Variants in GALNTL6 observed in about 807,000 individuals in gnomAD.
GALNTL6 encodes the protein polypeptide N-acetylgalactosaminyltransferase like 6.
A neutral mutation model predicts 73.7 loss-of-function variants in GALNTL6; 46 were observed. The ratio of observed to expected loss-of-function variants is 0.62; its 90% CI spans 0.49 to 0.80. The LOEUF (loss-of-function observed/expected upper bound fraction) is 0.80. Ranked by LOEUF, GALNTL6 falls within the 30% of genes least tolerant of loss-of-function variation. GALNTL6 has a pLI of 0.00. For missense variants in GALNTL6, 604 were observed against 755.0 expected (o/e 0.80, Z 2.34); for synonymous variants, 259 against 263.7 (o/e 0.98, Z 0.17).
chr4:172,108,967 GGCACCACT>G (rs1732768501), intron 2 of GALNTL6, among the ~76,000 whole-genome samples: 1 of 143,312 alleles, frequency 7.0e-6, no homozygotes, highest in African/African-American at 2.6e-5. Context: ...GAGCCAAGAT[GGCACCACT>G]GCACTCCAGC....
intron 7 of GALNTL6, among the ~76,000 whole-genome samples, chr4:172,826,034 GCATGAATGTAACTTTTTTTTATCTC>G (rs1742248803): frequency 6.6e-6 from 1 of 152,140 alleles, no homozygotes; most frequent in Non-Finnish European, 1.5e-5. Context: ...ACTCAAGTGG[GCATGAATGTAACTTTTTTTTATCTC>G]CATAAATGAG....
intron 2 of GALNTL6, among the ~76,000 whole-genome samples, chr4:171,887,877 C>A (rs551693092): frequency 6.6e-6 from 1 of 152,030 alleles, no homozygotes; most frequent in South Asian, 2.1e-4. Context: ...AAAAAATAAA[C>A]GTAATTTACT....
intron 2 of GALNTL6, among the ~76,000 whole-genome samples, chr4:172,214,570 A>G (rs1191284642): frequency 1.4e-5 from 2 of 145,402 alleles, no homozygotes; most frequent in Admixed American, 7.1e-5. Flanking sequence ...GCTGGAGTGC[A>G]GTGGCGTGAT....
chr4:172,672,206 G>C (rs916279368), intron 5 of GALNTL6, among the ~76,000 whole-genome samples: 4 of 152,106 alleles, frequency 2.6e-5, no homozygotes, highest in African/African-American at 9.7e-5. Flanking sequence ...CTAGTTTATT[G>C]ACTTTTAAAC....
chr4:172,464,287 GTAA>G lies in GALNTL6; in HGVS notation c.553+115606_553+115608del, dbSNP rs1484892590. 9.2e-4 allele frequency among the ~76,000 whole-genome samples: 140 copies of G among 152,168 alleles called. 2 individuals are homozygous for G. The highest frequency in any genetic ancestry group is 3.3e-3 in the African/African-American group (137 of 41,532). Reference sequence around the variant, plus strand: ...TTGCAGAACAGGGGTAATAATAATAGTAATAATAATGATGATGATGACTAATAT... The same window carrying G: ...TTGCAGAACAGGGGTAATAATAATAGTAATAATGATGATGATGACTAATAT... On this transcript the variant is annotated intron_variant, in intron 5 of 12. Coordinates refer to ENST00000506823, the MANE Select transcript of GALNTL6 (RefSeq NM_001034845.3).
At chr4:172,155,843 A>G (rs1397948669) in intron 2 of GALNTL6, among the ~76,000 whole-genome samples, 3 of 152,022 alleles carry the variant, frequency 2.0e-5, no homozygotes, top group African/African-American at 7.2e-5. Context: ...TCCATTTTCT[A>G]ACCTTTCTTA....
intron 5 of GALNTL6, among the ~76,000 whole-genome samples, chr4:172,399,841 T>C (rs916975863): frequency 6.6e-6 from 1 of 152,148 alleles, no homozygotes; most frequent in Non-Finnish European, 1.5e-5. Context: ...TCTTTTTAAA[T>C]TTTTTTGCCC....
chr4:172,052,097 T>G (rs1039747435), intron 2 of GALNTL6, among the ~76,000 whole-genome samples: 2 of 152,164 alleles, frequency 1.3e-5, no homozygotes, highest in African/African-American at 4.8e-5. Flanking sequence ...ACTTTACAAG[T>G]GTATTCACCT....
At chr4:172,135,579 C>A (rs1371333735) in intron 2 of GALNTL6, among the ~76,000 whole-genome samples, 1 of 152,128 alleles carries the variant, frequency 6.6e-6, no homozygotes, top group Non-Finnish European at 1.5e-5. Flanking sequence ...TTCAGGGCTT[C>A]AATTGGCTAT....
intron 2 of GALNTL6, among the ~76,000 whole-genome samples, chr4:172,060,083 T>C (rs1731149345): frequency 6.6e-6 from 1 of 152,218 alleles, no homozygotes; most frequent in Non-Finnish European, 1.5e-5. Flanking sequence ...ATGTTCTTTT[T>C]CTTTTTTTCT....
intron 5 of GALNTL6, among the ~76,000 whole-genome samples, chr4:172,415,522 C>T (rs1730796032): frequency 6.6e-6 from 1 of 152,098 alleles, no homozygotes. Flanking sequence ...TCAAATCTAA[C>T]TAAAACGTAC....
intron 5 of GALNTL6, among the ~76,000 whole-genome samples, chr4:172,523,393 C>T (rs888757661): frequency 2.6e-5 from 4 of 152,038 alleles, no homozygotes; most frequent in Admixed American, 2.6e-4. Flanking sequence ...GAGACAGAGT[C>T]TCACTCTGTC....
intron 5 of GALNTL6, among the ~76,000 whole-genome samples, chr4:172,534,957 T>G (rs758669541): frequency 2.6e-5 from 4 of 152,150 alleles, no homozygotes; most frequent in Admixed American, 6.5e-5. Flanking sequence ...AAATGGAGAT[T>G]GAAAAAAGTG....
chr4:172,366,105 T>C (rs115434642), intron 5 of GALNTL6, among the ~76,000 whole-genome samples: 3,508 of 152,316 alleles, frequency 0.023, 61 homozygotes, highest in Non-Finnish European at 0.036. Flanking sequence ...AAAGGTCATA[T>C]TCCTACATTC....
intron 2 of GALNTL6, among the ~76,000 whole-genome samples, chr4:171,989,242 G>C (rs1740244086): frequency 6.6e-6 from 1 of 152,168 alleles, no homozygotes. Flanking sequence ...CTCAAAGCTT[G>C]GTGTCCGTGA....
At chr4:172,030,537 C>A (rs914088646) in intron 2 of GALNTL6, among the ~76,000 whole-genome samples, 2 of 151,824 alleles carry the variant, frequency 1.3e-5, no homozygotes, top group Non-Finnish European at 2.9e-5. Context: ...ATGGCAAAAC[C>A]CGTCTCTACC....
intron 2 of GALNTL6, among the ~76,000 whole-genome samples, chr4:172,121,257 TTGTGTGTGTGTGTG>T (rs375731048): frequency 2.9e-4 from 41 of 142,372 alleles, no homozygotes; most frequent in African/African-American, 1.0e-3. Context: ...TCAAGAAGCA[TTGTGTGTGTGTGTG>T]TGTGTGTGTG....
At chr4:172,867,191 G>T (rs1356622836) in intron 7 of GALNTL6, among the ~76,000 whole-genome samples, 1 of 152,102 alleles carries the variant, frequency 6.6e-6, no homozygotes, top group Non-Finnish European at 1.5e-5. Flanking sequence ...TCATTACCCT[G>T]GGCAATAAGC....
intron 2 of GALNTL6, among the ~76,000 whole-genome samples, chr4:171,994,018 A>G (rs550659742): frequency 1.1e-3 from 162 of 152,172 alleles, no homozygotes; most frequent in African/African-American, 3.8e-3. Context: ...AAGAAGTAAT[A>G]AAAGAAGTGT....
Sources: allele counts gnomAD v4.1 joint callset (sites outside exome capture counted in the v4.1 genomes callset), GRCh38; gene constraint gnomAD v4.1.1; transcripts MANE v1.5; gene names NCBI Gene and HGNC (gene_info 2026-07-23, HGNC 2026-07-21).